DIP2B: variants seen among roughly 807,000 people sequenced by gnomAD.
DIP2B encodes disco-interacting protein 2 homolog B.
In DIP2B, 76 loss-of-function variants were observed where a neutral mutation model predicts 198.0. The observed-to-expected ratio is 0.38, with a 90% CI of 0.32 to 0.46. The LOEUF is 0.46. Ranked by LOEUF, DIP2B falls within the 20% of genes least tolerant of loss-of-function variation. DIP2B has a pLI of 0.99. For missense variants in DIP2B, 1,559 were observed against 1,978.4 expected, an observed-to-expected ratio of 0.79 and a Z score of 4.02; for synonymous variants, 701 against 739.1, an observed-to-expected ratio of 0.95 and a Z score of 0.84.
intron 1 of DIP2B, among the ~76,000 whole-genome samples, chr12:50,582,281 G>A (rs1191814630): frequency 1.3e-5 from 2 of 150,420 alleles, no homozygotes; most frequent in South Asian, 2.1e-4. Flanking sequence ...CCTCCAAGTA[G>A]CTGGGATTAC....
rs961917320 is a variant in DIP2B at position 50,592,079 on chromosome 12, G to A, written c.101-33897G>A. On this transcript the variant is annotated intron_variant, in intron 1 of 37. Coordinates refer to ENST00000301180, the MANE Select transcript of DIP2B (RefSeq NM_173602.3). ...TTTTAGTAGAGACGGGGGTCTCACC[G>A]TGTTGACCAGGCTGGTCTCGAACTC... Among the ~76,000 whole-genome samples, 171 of 151,590 alleles carry A rather than the reference G, an allele frequency of 1.1e-3. 1 individual carries two copies. The highest frequency in any genetic ancestry group is 2.5e-4 in the Non-Finnish European group (17 of 67,804).
At chr12:50,623,656 C>T (rs1007179196) in intron 1 of DIP2B, among the ~76,000 whole-genome samples, 17 of 152,128 alleles carry the variant, frequency 1.1e-4, no homozygotes, top group South Asian at 4.1e-4. Context: ...TAATTTTTTA[C>T]GGAATCAGAT....
At chr12:50,582,665 C>T (rs1009369282) in intron 1 of DIP2B, among the ~76,000 whole-genome samples, 1 of 152,134 alleles carries the variant, frequency 6.6e-6, no homozygotes, top group Non-Finnish European at 1.5e-5. Context: ...CATCACCCAC[C>T]AACAGCAGTG....
At chr12:50,576,464 G>A (rs941089916) in intron 1 of DIP2B, among the ~76,000 whole-genome samples, 3 of 151,016 alleles carry the variant, frequency 2.0e-5, no homozygotes, top group African/African-American at 7.3e-5. Flanking sequence ...ACATATTTAC[G>A]GTCTGACCGC....
Position 50,714,594 on chromosome 12 carries a change from C to CA in DIP2B, c.2850dup (p.Gly951ArgfsTer33), listed in dbSNP as rs1939679447. 1 of 1,613,872 alleles carries CA rather than the reference C, an allele frequency of 6.2e-7. No individual in the cohort carries two copies. Among genetic ancestry groups the CA allele is most frequent in the Non-Finnish European group, 8.5e-7 (1 of 1,179,926 alleles). The stretch of plus-strand genomic sequence containing the variant: ...TTGCCAAAGCCCCGGCAAAAACAAC[C>CA]AGGTAATATGCTGGCTTCCAAGACC... On this transcript the variant is annotated frameshift_variant and splice_region_variant, in exon 23 of 38. Coordinates refer to ENST00000301180, the MANE Select transcript of DIP2B (RefSeq NM_173602.3). LOFTEE classifies it high-confidence loss of function.
chr12:50,699,111 A>C lies in DIP2B; in HGVS notation c.2234A>C (p.Lys745Thr). ...CCAGATGGACCTCCCCAGCTCTGCA[A>C]AACAGATGAAATTGGAGAAATCTGT... is the stretch of plus-strand genomic sequence containing the variant. ...VKPDGPPQLCKTDEIGEICVS... is the reference protein window; with the variant it reads ...VKPDGPPQLCTTDEIGEICVS... The change falls in exon 19 of 38, where the codon AAA becomes ACA. Residue 745 changes from lysine to threonine, a missense_variant. By Grantham distance (78) the Lys-to-Thr change is moderately conservative. Coordinates refer to ENST00000301180, the MANE Select transcript of DIP2B (RefSeq NM_173602.3). 1 of 1,614,208 alleles carries C rather than the reference A, an allele frequency of 6.2e-7. No individual in the cohort carries two copies. The highest frequency in any genetic ancestry group is 1.1e-5 in the South Asian group (1 of 91,088).
chr12:50,535,456 T>G (rs1958255473), intron 1 of DIP2B, among the ~76,000 whole-genome samples: 1 of 151,448 alleles, frequency 6.6e-6, no homozygotes, highest in Non-Finnish European at 1.5e-5. Flanking sequence ...AACCTCTGCC[T>G]GCCAGGTTCA....
chr12:50,560,271 T>G (rs1958507545), intron 1 of DIP2B, among the ~76,000 whole-genome samples: 1 of 151,906 alleles, frequency 6.6e-6, no homozygotes, highest in African/African-American at 2.4e-5. Context: ...GGCATGCACC[T>G]GAAGTCCCAG....
Position 50,674,122 on chromosome 12 carries a change from C to G in DIP2B, c.641-352C>G, listed in dbSNP as rs1592121550. On this transcript the variant is annotated intron_variant, in intron 5 of 37. Transcript: ENST00000301180. ...TAGCCAGTTATGATCTTATTTGGTT[C>G]CATTTTGAGGTCACTGCAAGTTTTA... 2.0e-5 allele frequency among the ~76,000 whole-genome samples: 3 copies of G among 152,118 alleles called. No individual in the cohort carries two copies. The South Asian group carries it at 6.2e-4, about 32-fold the overall frequency.
At chr12:50,695,227 A>G in intron 14 of DIP2B, 40 bp from the exon 15 acceptor site, 2 of 1,546,340 alleles carry the variant, frequency 1.3e-6, no homozygotes, top group Non-Finnish European at 1.8e-6. Context: ...CTAAGTATGT[A>G]TTTTGTATTG....
chr12:50,562,359 A>C (rs1958526541), intron 1 of DIP2B, among the ~76,000 whole-genome samples: 1 of 152,158 alleles, frequency 6.6e-6, no homozygotes, highest in Non-Finnish European at 1.5e-5. Flanking sequence ...AAATGCTTAA[A>C]AGCATAGAAC....
intron 1 of DIP2B, among the ~76,000 whole-genome samples, chr12:50,580,200 CTT>C (rs1167039988): frequency 6.1e-5 from 9 of 148,748 alleles, no homozygotes; most frequent in Non-Finnish European, 1.5e-5. Flanking sequence ...AGGAGAGACT[CTT>C]AGGCTAAAAA....
At chr12:50,645,332 A>G (rs1009604184) in intron 3 of DIP2B, among the ~76,000 whole-genome samples, 3 of 152,164 alleles carry the variant, frequency 2.0e-5, no homozygotes, top group African/African-American at 7.2e-5. Context: ...ATATACAAAG[A>G]TGTTTGTTGT....
rs1205734576 is a variant in DIP2B, at chr12:50,664,830, G to GTTTTTTTTTTTTTTTTT, written c.427+4516_427+4517insTTTTTTTTTTTTTTTTT. On this transcript the variant is annotated intron_variant, in intron 4 of 37. Coordinates refer to ENST00000301180, the MANE Select transcript of DIP2B (RefSeq NM_173602.3). ...CAAGGAGAATTTCCCTCCTTTTTTG[G>GTTTTTTTTTTTTTTTTT]TTTTTGTTTTTTTTTTTTTTTTTTT... Among the ~76,000 whole-genome samples the GTTTTTTTTTTTTTTTTT allele has an allele frequency of 8.0e-5, 8 of 99,644 alleles. 4 individuals are homozygous for GTTTTTTTTTTTTTTTTT. The highest frequency in any genetic ancestry group is 2.4e-4 in the Admixed American group (2 of 8,306). The allele number at this position is 99,644 out of a possible 152,430, so 65.4% of individuals were successfully genotyped here.
chr12:50,573,307 T>A (rs1192536624), intron 1 of DIP2B, among the ~76,000 whole-genome samples: 1 of 152,232 alleles, frequency 6.6e-6, no homozygotes, highest in Non-Finnish European at 1.5e-5. Flanking sequence ...CTTCAGGTTG[T>A]AAAGAGACAA....
rs1940363394 is a variant in DIP2B at position 50,748,018 on chromosome 12, C to T, written c.*3179C>T. On this transcript the variant is annotated 3_prime_UTR_variant, in exon 38 of 38. Transcript: ENST00000301180. ...GTGTTGCCTCAGGCTGTTTAGGGAC[C>T]ATTGCCTGTCTTGGTCACATGAGTC... 1 of 152,648 alleles carries T rather than the reference C, an allele frequency of 6.6e-6. No individual in the cohort carries two copies. Among genetic ancestry groups the T allele is most frequent in the Non-Finnish European group, 1.5e-5 (1 of 68,052 alleles). 9.5% of individuals were successfully genotyped at this position (152,648 alleles called of 1,614,324 possible).
chr12:50,663,872 TAAAAAA>T (rs397934701), intron 4 of DIP2B, among the ~76,000 whole-genome samples: 1 of 104,844 alleles, frequency 9.5e-6, no homozygotes, highest in African/African-American at 3.7e-5. Context: ...CCCATCTCTT[TAAAAAA>T]AAAAAAAAAA....
At chr12:50,592,761 C>G (rs1429830197) in intron 1 of DIP2B, among the ~76,000 whole-genome samples, 1 of 152,184 alleles carries the variant, frequency 6.6e-6, no homozygotes, top group Non-Finnish European at 1.5e-5. Context: ...AGCTGTGAGC[C>G]ACTGCACCCG....
At chr12:50,736,931 C>T in intron 34 of DIP2B, 105 bp from the exon 35 acceptor site, 4 of 1,073,276 alleles carry the variant, frequency 3.7e-6, no homozygotes, top group South Asian at 1.4e-5. Flanking sequence ...GCTGGCTCGC[C>T]ATGTGTGCCT....
Sources: allele counts gnomAD v4.1 joint callset (sites outside exome capture counted in the v4.1 genomes callset), GRCh38; gene constraint gnomAD v4.1.1; transcripts MANE v1.5; gene names NCBI Gene and HGNC (gene_info 2026-07-23, HGNC 2026-07-21).